The following TRHDE variants were observed in gnomAD, a reference collection of about 807,000 sequenced individuals.
TRHDE encodes the protein thyrotropin releasing hormone degrading enzyme, also known as thyrotropin-releasing hormone-degrading ectoenzyme.
Under a neutral mutation model 125.7 loss-of-function variants are expected in TRHDE, and 72 were observed. The observed-to-expected ratio is 0.57, with a 90% CI of 0.47 to 0.70. TRHDE has a LOEUF of 0.70. Among genes scored for constraint, TRHDE ranks in the 30% least tolerant of loss-of-function variants. The pLI is 0.00. For missense variants in TRHDE, 1,110 were observed against 1,327.1 expected (o/e 0.84, Z 2.54); for synonymous variants, 509 against 509.1 (o/e 1.00, Z 0.00).
intron 12 of TRHDE, among the ~76,000 whole-genome samples, chr12:72,588,956 C>T (rs1273029786): frequency 6.6e-6 from 1 of 152,178 alleles, no homozygotes; most frequent in East Asian, 1.9e-4. Context: ...CCTTTTAAAA[C>T]CATCAGATCT....
At position 72,210,199 on chromosome 12, in the gene TRHDE, T is replaced by TATC. The variant is rs1555168853; in HGVS notation, n.279+104448_279+104450dup. ...CTATCTATCTATCTATCTATCTATC[T>TATC]ATCTATCTACTTTCTGATAAAGTAG... is the stretch of plus-strand genomic sequence containing the variant. On this transcript the variant is annotated intron_variant and non_coding_transcript_variant, in intron 2 of 4. Coordinates refer to the TRHDE transcript ENST00000548156. Among the ~76,000 whole-genome samples, 1,368 of 151,974 alleles carry TATC rather than the reference T, an allele frequency of 9.0e-3. 27 individuals are homozygous for TATC. The highest frequency in any genetic ancestry group is 0.032 in the African/African-American group (1,320 of 41,374).
Position 72,664,099 on chromosome 12 carries a change from A to G in TRHDE, c.*904A>G, listed in dbSNP as rs966378318. 6.6e-6 allele frequency: 1 copy of G among 152,124 alleles called. No homozygotes were observed. Among genetic ancestry groups the G allele is most frequent in the Non-Finnish European group, 1.5e-5 (1 of 68,008 alleles). 9.4% of individuals were successfully genotyped at this position (152,124 alleles called of 1,614,324 possible). On this transcript the variant is annotated 3_prime_UTR_variant, in exon 19 of 19. Transcript: ENST00000261180. The stretch of plus-strand genomic sequence containing the variant: ...CTTGAACAGTGGTCTATTCTGCTAC[A>G]TGAAGATGAATACAAACAAAATTTT...
chr12:72,355,309 G>T (rs909499044), intron 2 of TRHDE, among the ~76,000 whole-genome samples: 23 of 151,482 alleles, frequency 1.5e-4, no homozygotes, highest in African/African-American at 5.3e-4. Flanking sequence ...GTTAGAGAAG[G>T]TGTTCAAGAT....
chr12:72,589,344 T>G (rs1169926198), intron 12 of TRHDE, among the ~76,000 whole-genome samples: 1 of 152,186 alleles, frequency 6.6e-6, no homozygotes, highest in African/African-American at 2.4e-5. Context: ...TGCACTTTTA[T>G]TTTTTTCTTA....
intron 2 of TRHDE, among the ~76,000 whole-genome samples, chr12:72,368,520 CTT>C (rs35888970): frequency 6.6e-6 from 1 of 152,076 alleles, no homozygotes. Flanking sequence ...TTAGATAGAA[CTT>C]TTCTGAAGAG....
At chr12:72,624,331 T>C (rs1444638299) in intron 15 of TRHDE, among the ~76,000 whole-genome samples, 1 of 152,006 alleles carries the variant, frequency 6.6e-6, no homozygotes, top group African/African-American at 2.4e-5. Flanking sequence ...AAGCCTTAAA[T>C]AGAGTGATTT....
At chr12:72,449,653 C>T (rs981820384) in intron 3 of TRHDE, among the ~76,000 whole-genome samples, 2 of 151,808 alleles carry the variant, frequency 1.3e-5, no homozygotes, top group African/African-American at 4.8e-5. Context: ...CATAAAAATA[C>T]AACAGGATGC....
intron 2 of TRHDE, among the ~76,000 whole-genome samples, chr12:72,218,590 A>G (rs1429883743): frequency 2.0e-5 from 3 of 152,134 alleles, no homozygotes; most frequent in Non-Finnish European, 4.4e-5. Flanking sequence ...TCAAAGTATC[A>G]GCAGGGTTGG....
intron 12 of TRHDE, among the ~76,000 whole-genome samples, chr12:72,612,255 C>T (rs1565809906): frequency 6.6e-6 from 1 of 152,148 alleles, no homozygotes; most frequent in African/African-American, 2.4e-5. Context: ...TGACACCTTC[C>T]CTAACCACCC....
intron 6 of TRHDE, among the ~76,000 whole-genome samples, chr12:72,525,789 C>T (rs1868325260): frequency 6.6e-6 from 1 of 151,978 alleles, no homozygotes; most frequent in African/African-American, 2.4e-5. Context: ...CAGATCAATA[C>T]TTAAATTTTT....
intron 2 of TRHDE, among the ~76,000 whole-genome samples, chr12:72,229,945 A>T (rs953508509): frequency 2.0e-5 from 3 of 152,196 alleles, no homozygotes; most frequent in Non-Finnish European, 2.9e-5. Context: ...AACAGTATTC[A>T]TTTTAAGAGA....
At chr12:72,632,444 C>T (rs1436758068) in intron 15 of TRHDE, among the ~76,000 whole-genome samples, 1 of 151,872 alleles carries the variant, frequency 6.6e-6, no homozygotes, top group African/African-American at 2.4e-5. Flanking sequence ...CTTTAACAAA[C>T]ACTGGAGTCT....
chr12:72,232,584 A>C (rs193235534), intron 2 of TRHDE, among the ~76,000 whole-genome samples: 1 of 152,102 alleles, frequency 6.6e-6, no homozygotes, highest in Non-Finnish European at 1.5e-5. Flanking sequence ...TAATAGAGTT[A>C]ATACAGAACT....
intron 6 of TRHDE, among the ~76,000 whole-genome samples, chr12:72,517,368 C>T (rs1311908062): frequency 6.6e-6 from 1 of 152,174 alleles, no homozygotes; most frequent in South Asian, 2.1e-4. Flanking sequence ...CTGGTTTAGT[C>T]TTGGGAGAGT....
At chr12:72,320,543 CTGTGTGTGTGTGTGTG>C (rs59244019) in intron 2 of TRHDE, among the ~76,000 whole-genome samples, 4 of 143,078 alleles carry the variant, frequency 2.8e-5, no homozygotes, top group Non-Finnish European at 3.1e-5. Flanking sequence ...AGAGGGTTGA[CTGTGTGTGTGTGTGTG>C]TGTGTGTGTG....
chr12:72,287,411 A>G (rs551180369), intron 2 of TRHDE, among the ~76,000 whole-genome samples: 1 of 152,160 alleles, frequency 6.6e-6, no homozygotes, highest in Non-Finnish European at 1.5e-5. Flanking sequence ...CTTCAGTCTA[A>G]TGTTATTGCT....
intron 12 of TRHDE, among the ~76,000 whole-genome samples, chr12:72,599,766 G>C (rs1212056351): frequency 1.3e-5 from 2 of 151,914 alleles, no homozygotes; most frequent in Admixed American, 1.3e-4. Flanking sequence ...TTGATTTTTA[G>C]GAGTTAGTCA....
intron 12 of TRHDE, among the ~76,000 whole-genome samples, chr12:72,601,807 C>T (rs1038848116): frequency 5.3e-5 from 8 of 152,102 alleles, no homozygotes; most frequent in African/African-American, 1.7e-4. Context: ...ACTAACTAGG[C>T]TATGGTACAA....
chr12:72,283,979 T>TA lies in TRHDE; in HGVS notation c.915-2693dup, dbSNP rs5799072. ...CTTAAATATGAAATTGGTTATATCT[T>TA]AAAAAAAAAGTTATACTGAGTACCT... On this transcript the variant is annotated intron_variant, in intron 1 of 18. Coordinates refer to ENST00000261180, the MANE Select transcript of TRHDE (RefSeq NM_013381.3). 3.6e-4 allele frequency among the ~76,000 whole-genome samples: 55 copies of TA among 151,318 alleles called. No homozygotes were observed. The East Asian group carries it at 7.8e-3, about 21-fold the overall frequency.
Sources: allele counts gnomAD v4.1 joint callset (sites outside exome capture counted in the v4.1 genomes callset), GRCh38; gene constraint gnomAD v4.1.1; transcripts MANE v1.5; gene names NCBI Gene and HGNC (gene_info 2026-07-23, HGNC 2026-07-21).